The following ZFP90 variants were observed in gnomAD, a reference collection of about 807,000 sequenced individuals.
ZFP90 encodes zinc finger protein 90 homolog.
Under a neutral mutation model 60.8 loss-of-function variants are expected in ZFP90, and 38 were observed. The observed-to-expected ratio is 0.62, with a 90% CI of 0.48 to 0.82. The LOEUF is 0.82. Ranked by LOEUF, ZFP90 falls within the 40% of genes least tolerant of loss-of-function variation. ZFP90 has a pLI of 0.00. For missense variants in ZFP90, 711 were observed against 759.1 expected (o/e 0.94, Z 0.74); for synonymous variants, 287 against 264.8 (o/e 1.08, Z -0.82).
At chr16:68,558,430 A>C (rs762270979) in intron 3 of ZFP90, 43 bp from the exon 4 acceptor site, 2 of 1,578,532 alleles carry the variant, frequency 1.3e-6, no homozygotes, top group South Asian at 1.1e-5. Flanking sequence ...TTCTTTGTCC[A>C]CTTGCACAAA....
chr16:68,561,952 G>C (rs1567408961), intron 4 of ZFP90: 2 of 152,180 alleles, frequency 1.3e-5, no homozygotes, highest in East Asian at 1.9e-4. Context: ...CTACCACCAA[G>C]ATTATCACAT....
chr16:68,548,152 A>G (rs537134103), intron 2 of ZFP90, among the ~76,000 whole-genome samples: 1 of 152,060 alleles, frequency 6.6e-6, no homozygotes, highest in Non-Finnish European at 1.5e-5. Context: ...TAATATCTGT[A>G]TTACTAAGGG....
chr16:68,539,855 A>G, intron 2 of ZFP90, 30 bp downstream of exon 2: 2 of 1,602,116 alleles, frequency 1.2e-6, no homozygotes, highest in South Asian at 1.1e-5. Flanking sequence ...CCTCCTGGGC[A>G]TCCCATCCAT....
chr16:68,570,977 C>A (rs56323634), downstream of ZFP90, among the ~76,000 whole-genome samples: 5,621 of 152,290 alleles, frequency 0.037, 323 homozygotes, highest in African/African-American at 0.13. Flanking sequence ...AAGAATGAGG[C>A]AGACAAATCC....
chr16:68,560,465 T>TA (rs1256304773), intron 4 of ZFP90, among the ~76,000 whole-genome samples: 1 of 152,238 alleles, frequency 6.6e-6, no homozygotes, highest in Non-Finnish European at 1.5e-5. Flanking sequence ...CATTCTTTTT[T>TA]ACCATTGAGG....
At chr16:68,541,600 G>A (rs897458983) in intron 2 of ZFP90, among the ~76,000 whole-genome samples, 23 of 152,012 alleles carry the variant, frequency 1.5e-4, no homozygotes, top group African/African-American at 4.6e-4. Context: ...CCCGGCCTGC[G>A]TTTTTATATA....
intron 2 of ZFP90, among the ~76,000 whole-genome samples, chr16:68,548,201 T>A (rs1228335205): frequency 6.6e-6 from 1 of 152,176 alleles, no homozygotes; most frequent in Non-Finnish European, 1.5e-5. Context: ...TTGGATGGGT[T>A]TTGGTGTCAT....
At chr16:68,570,835 T>C (rs2091564150), downstream of ZFP90, among the ~76,000 whole-genome samples, 1 of 152,210 alleles carries the variant, frequency 6.6e-6, no homozygotes, top group African/African-American at 2.4e-5. Context: ...GATTTTCTTA[T>C]CCTTTATTGA....
intron 2 of ZFP90, among the ~76,000 whole-genome samples, chr16:68,574,632 GAC>G (rs979733282): frequency 3.9e-5 from 6 of 152,244 alleles, no homozygotes; most frequent in African/African-American, 1.2e-4. Context: ...GCTGATGAAA[GAC>G]ACGCGTGGAC....
chr16:68,567,196 A>T, downstream of ZFP90: 1 of 981,662 alleles, frequency 1.0e-6, no homozygotes, highest in Non-Finnish European at 1.2e-6. Context: ...GTGCACCAAG[A>T]GGGAGGAATT....
intron 2 of ZFP90, among the ~76,000 whole-genome samples, chr16:68,555,894 CT>C (rs540181888): frequency 1.7e-3 from 263 of 152,334 alleles, no homozygotes; most frequent in Non-Finnish European, 3.0e-3. Context: ...ACAGAATAAG[CT>C]GAAGCCTCTG....
intron 4 of ZFP90, among the ~76,000 whole-genome samples, chr16:68,559,179 C>G (rs1326279670): frequency 6.6e-6 from 1 of 152,178 alleles, no homozygotes; most frequent in Non-Finnish European, 1.5e-5. Flanking sequence ...CTTCTAGCCT[C>G]CTTTCTTGAT....
At position 68,563,864 on chromosome 16, in the gene ZFP90, A is replaced by G. The variant is rs1482038492; in HGVS notation, c.1077A>G (p.Thr359=). 3.1e-6 allele frequency: 5 copies of G among 1,613,892 alleles called. No homozygotes were observed. The highest frequency in any genetic ancestry group is 1.3e-5 in the African/African-American group (1 of 74,874). Reference sequence around the variant, plus strand: ...CATCCCTCACTCAACACGAGGTCACACACAGTGGAGAGAAGCCCTTCCAGT... The same window carrying G: ...CATCCCTCACTCAACACGAGGTCACGCACAGTGGAGAGAAGCCCTTCCAGT... ...HGTSLTQHEV[T]HSGEKPFQCK... is the part of the protein sequence containing the mutation. The change falls in exon 5 of 5, where the codon ACA becomes ACG. Residue 359 remains threonine, a synonymous_variant. Coordinates refer to ENST00000563169, the MANE Select transcript of ZFP90 (RefSeq NM_001305203.2).
rs1388915707 is a variant in ZFP90, at chr16:68,539,646, C to T, written c.-35-112C>T. 23 of 869,780 alleles carry T rather than the reference C, an allele frequency of 2.6e-5. No individual in the cohort carries two copies. The East Asian group carries it at 5.5e-4, about 21-fold the overall frequency. The allele number at this position is 869,780 out of a possible 1,614,324, so 53.9% of individuals were successfully genotyped here. On this transcript the variant is annotated intron_variant, in intron 1 of 4. Coordinates refer to ENST00000563169, the MANE Select transcript of ZFP90 (RefSeq NM_001305203.2). ...GGCAGGCCCGGGCTGGTTCCACGGT[C>T]CTCGCCACCATCTCCCCTGGAGATG...
downstream of ZFP90, among the ~76,000 whole-genome samples, chr16:68,571,877 A>G (rs959787129): frequency 1.3e-5 from 2 of 152,202 alleles, no homozygotes; most frequent in Admixed American, 6.5e-5. Context: ...TGAGGCACCA[A>G]TTAAAAAGGG....
intron 2 of ZFP90, among the ~76,000 whole-genome samples, chr16:68,555,592 A>C (rs1243105564): frequency 1.3e-5 from 2 of 152,232 alleles, no homozygotes; most frequent in South Asian, 2.1e-4. Flanking sequence ...AATTTCAAAA[A>C]CAACCAAAAG....
At chr16:68,559,599 A>C (rs887588106) in intron 4 of ZFP90, among the ~76,000 whole-genome samples, 1 of 151,898 alleles carries the variant, frequency 6.6e-6, no homozygotes. Flanking sequence ...ACAGGATCTC[A>C]CTCTGTCACC....
chr16:68,564,344 T>C lies in ZFP90; in HGVS notation c.1557T>C (p.His519=), dbSNP rs371113723. The change falls in exon 5 of 5, where the codon CAT becomes CAC. Residue 519 remains histidine (H), a synonymous_variant. Coordinates refer to ENST00000563169, the MANE Select transcript of ZFP90 (RefSeq NM_001305203.2). The part of the protein sequence containing the change: ...STSFIEHHRI[H]TGEKPYECNE... ...GTTTCATAGAGCATCACAGAATTCA[T>C]ACTGGAGAGAAACCCTATGAATGTA... The C allele has an allele frequency of 9.3e-6, 15 of 1,614,030 alleles. No homozygotes were observed. Among genetic ancestry groups the C allele is most frequent in the East Asian group, 4.5e-5 (2 of 44,852 alleles).
At chr16:68,543,804 C>T (rs1183423806) in intron 2 of ZFP90, among the ~76,000 whole-genome samples, 1 of 151,574 alleles carries the variant, frequency 6.6e-6, no homozygotes, top group Non-Finnish European at 1.5e-5. Context: ...CATGATCTGC[C>T]TGTCTCAGCC....
Sources: gnomAD v4.1 joint callset for allele counts (sites outside exome capture counted in the v4.1 genomes callset) on GRCh38, gnomAD v4.1.1 for gene constraint, MANE v1.5 for transcripts, NCBI Gene and HGNC (gene_info 2026-07-23, HGNC 2026-07-21) for gene names.